Variants in FNDC3B observed in about 807,000 individuals in gnomAD.
FNDC3B encodes fibronectin type III domain containing 3B, also known as fibronectin type III domain-containing protein 3B.
Under a neutral mutation model 151.5 loss-of-function variants are expected in FNDC3B, and 12 were observed. That is an observed-to-expected ratio of 0.08 (90% CI 0.05 to 0.13). The LOEUF is 0.13. FNDC3B is among the 10% of genes least tolerant of loss of function. The probability of loss-of-function intolerance (pLI) is 1.00; values close to 1 mark genes in which losing one functional copy is unlikely to be tolerated. For missense variants in FNDC3B, 1,214 were observed against 1,505.3 expected, an observed-to-expected ratio of 0.81 and a Z score of 3.20; for synonymous variants, 528 against 549.0, an observed-to-expected ratio of 0.96 and a Z score of 0.54.
At chr3:172,307,162 G>A (rs1424459173) in intron 9 of FNDC3B, 1 of 568,408 alleles carries the variant, frequency 1.8e-6, no homozygotes, top group Non-Finnish European at 3.1e-6. Context: ...CACACACTGA[G>A]ACAAATACCT....
chr3:172,055,919 T>G (rs979469166), intron 1 of FNDC3B, among the ~76,000 whole-genome samples: 2 of 152,146 alleles, frequency 1.3e-5, no homozygotes, highest in Non-Finnish European at 2.9e-5. Context: ...TAGCTGGGAC[T>G]ATAGGCGCCC....
chr3:172,270,649 T>G (rs1260685121), intron 6 of FNDC3B, among the ~76,000 whole-genome samples: 3 of 152,204 alleles, frequency 2.0e-5, no homozygotes, highest in Non-Finnish European at 4.4e-5. Flanking sequence ...ACTAGCTGAC[T>G]CTATTGTGTT....
intron 2 of FNDC3B, among the ~76,000 whole-genome samples, chr3:172,131,324 C>T (rs976738441): frequency 4.0e-5 from 6 of 150,242 alleles, no homozygotes; most frequent in East Asian, 3.9e-4. Context: ...ACCTGGGAGG[C>T]GGAGGTTGCA....
intron 1 of FNDC3B, among the ~76,000 whole-genome samples, chr3:172,105,683 G>C (rs1377609376): frequency 6.6e-6 from 1 of 151,158 alleles, no homozygotes; most frequent in Non-Finnish European, 1.5e-5. Flanking sequence ...GAACTTCGGA[G>C]CTCAAGCAGT....
At chr3:172,327,833 C>T (rs1732435877) in intron 11 of FNDC3B, among the ~76,000 whole-genome samples, 1 of 152,224 alleles carries the variant, frequency 6.6e-6, no homozygotes, top group African/African-American at 2.4e-5. Context: ...GAAGGAGATG[C>T]TTAAATTTGT....
intron 6 of FNDC3B, among the ~76,000 whole-genome samples, chr3:172,267,159 C>CTT (rs34584367): frequency 6.9e-6 from 1 of 144,800 alleles, no homozygotes. Context: ...TACACACACA[C>CTT]TTTTTTTTTT....
chr3:172,329,801 A>G (rs765725532), intron 12 of FNDC3B: 2 of 152,188 alleles, frequency 1.3e-5, no homozygotes, highest in African/African-American at 4.8e-5. Flanking sequence ...CTCCACCACC[A>G]TGGTAGCCAT....
At chr3:172,199,227 T>C (rs1725004392) in intron 3 of FNDC3B, among the ~76,000 whole-genome samples, 1 of 151,738 alleles carries the variant, frequency 6.6e-6, no homozygotes, top group Admixed American at 6.6e-5. Flanking sequence ...TCGCCCAGGC[T>C]GGAGTGCAGT....
intron 11 of FNDC3B, among the ~76,000 whole-genome samples, chr3:172,314,568 A>C (rs1731682648): frequency 1.3e-5 from 2 of 152,198 alleles, no homozygotes; most frequent in African/African-American, 4.8e-5. Context: ...GTTCCAGAAT[A>C]CTTTAGTCTT....
intron 1 of FNDC3B, among the ~76,000 whole-genome samples, chr3:172,055,832 G>A (rs1716885184): frequency 6.6e-6 from 1 of 151,896 alleles, no homozygotes; most frequent in Admixed American, 6.6e-5. Flanking sequence ...CCAGGCTGGA[G>A]TGCAGTGGTG....
chr3:172,309,625 G>A (rs757023158), intron 10 of FNDC3B, among the ~76,000 whole-genome samples: 2 of 152,120 alleles, frequency 1.3e-5, no homozygotes, highest in Non-Finnish European at 2.9e-5. Context: ...CAGAGATTGT[G>A]TGACTCTAAA....
chr3:172,347,192 T>A lies in FNDC3B; in HGVS notation c.2365-20T>A. On this transcript the variant is annotated intron_variant, in intron 20 of 25. Coordinates refer to ENST00000415807, the MANE Select transcript of FNDC3B (RefSeq NM_022763.4). ...TCTTCTCAGTGGCATTATTAACTACTTCCATTTCTGCCTTTCCAGAGTCCT... is the reference window on the plus strand; with the variant it reads ...TCTTCTCAGTGGCATTATTAACTACATCCATTTCTGCCTTTCCAGAGTCCT... 1 of 1,602,810 alleles carries A rather than the reference T, an allele frequency of 6.2e-7. No individual in the cohort carries two copies. The highest frequency in any genetic ancestry group is 8.5e-7 in the Non-Finnish European group (1 of 1,173,780).
At chr3:172,132,461 A>C (rs767286097) in intron 2 of FNDC3B, among the ~76,000 whole-genome samples, 2 of 152,152 alleles carry the variant, frequency 1.3e-5, no homozygotes, top group Non-Finnish European at 2.9e-5. Flanking sequence ...GCTGGAGTGC[A>C]GTGGTGTGAT....
intron 3 of FNDC3B, among the ~76,000 whole-genome samples, chr3:172,198,773 T>A (rs1436367798): frequency 6.6e-6 from 1 of 152,146 alleles, no homozygotes; most frequent in Non-Finnish European, 1.5e-5. Flanking sequence ...CCCCTAAGCC[T>A]GGGATATCTA....
chr3:172,206,649 A>C (rs1725446352), intron 3 of FNDC3B, among the ~76,000 whole-genome samples: 1 of 126,442 alleles, frequency 7.9e-6, no homozygotes, highest in South Asian at 2.9e-4. Context: ...ACAAGAGCGA[A>C]ACTCCATCTC....
intron 9 of FNDC3B, chr3:172,302,812 A>G (rs906461836): frequency 1.3e-5 from 2 of 152,102 alleles, no homozygotes; most frequent in Non-Finnish European, 2.9e-5. Context: ...TATGTATTGT[A>G]TAAAGCCACT....
At chr3:172,235,087 TTTC>T (rs1446627486) in intron 4 of FNDC3B, among the ~76,000 whole-genome samples, 1 of 152,120 alleles carries the variant, frequency 6.6e-6, no homozygotes, top group African/African-American at 2.4e-5. Flanking sequence ...AGACCAGTTT[TTTC>T]AAAACTGGTC....
In FNDC3B at chr3:172,112,577, A is replaced by T. The variant is rs763830442; in HGVS notation, c.98A>T (p.Asp33Val). Residue 33 changes from aspartate (D) to valine (V), a missense_variant, in exon 2 of 26, where the codon GAT becomes GTT. Physicochemically the swap from Asp to Val is radical, Grantham distance 152. This residue lies in a region of FNDC3B where 113 missense variants were observed against 177.8 expected (regional missense o/e 0.64). Coordinates refer to ENST00000415807, the MANE Select transcript of FNDC3B (RefSeq NM_022763.4). ...VAMMPHLVNG[D>V]AAQQVILVQV... ...ATGATGCCCCACTTGGTGAATGGAG[A>T]TGCAGCTCAGCAGGTTGGTGTAGGA... 6.2e-7 allele frequency: 1 copy of T among 1,611,972 alleles called. No homozygotes were observed. Among genetic ancestry groups the T allele is most frequent in the East Asian group, 2.2e-5 (1 of 44,876 alleles).
chr3:172,198,484 A>T (rs557104312), intron 3 of FNDC3B, among the ~76,000 whole-genome samples: 7 of 152,286 alleles, frequency 4.6e-5, no homozygotes, highest in African/African-American at 1.7e-4. Flanking sequence ...TCCAACACTC[A>T]AGGGGTTGTT....
Sources: allele counts gnomAD v4.1 joint callset (sites outside exome capture counted in the v4.1 genomes callset), GRCh38; gene constraint gnomAD v4.1.1; regional missense constraint gnomAD v4.1.1; transcripts MANE v1.5; gene names NCBI Gene and HGNC (gene_info 2026-07-23, HGNC 2026-07-21).